The following ADGRL2 variants were observed in gnomAD, a reference collection of about 807,000 sequenced individuals.
The protein encoded by ADGRL2 is adhesion G protein-coupled receptor L2.
ADGRL2 carries 44 observed loss-of-function variants against 157.4 expected under a neutral mutation model. The ratio of observed to expected loss-of-function variants is 0.28; its 90% CI spans 0.22 to 0.36. The LOEUF is 0.36. ADGRL2 is among the 10% of genes least tolerant of loss of function. ADGRL2 has a pLI of 1.00. For synonymous variants in ADGRL2, 585 were observed against 624.7 expected, an observed-to-expected ratio of 0.94 and a Z score of 0.95; for missense variants, 1,510 against 1,768.9, an observed-to-expected ratio of 0.85 and a Z score of 2.63.
intron 1 of ADGRL2, among the ~76,000 whole-genome samples, chr1:81,432,387 A>G (rs72939100): frequency 0.014 from 2,135 of 152,344 alleles, 33 homozygotes; most frequent in South Asian, 0.056. Flanking sequence ...GATGTTGTCA[A>G]GGATTCAGAT....
chr1:81,639,368 A>AC (rs1192357759), intron 3 of ADGRL2, among the ~76,000 whole-genome samples: 1 of 151,986 alleles, frequency 6.6e-6, no homozygotes, highest in Non-Finnish European at 1.5e-5. Flanking sequence ...ACTGGGCCCC[A>AC]CCAGAAAGTT....
At chr1:81,956,929 C>T (rs1371272295) in intron 11 of ADGRL2, among the ~76,000 whole-genome samples, 4 of 151,742 alleles carry the variant, frequency 2.6e-5, no homozygotes, top group South Asian at 4.2e-4. Context: ...ATTGTGCCTG[C>T]GTAAGTCATG....
At chr1:81,521,670 T>C (rs2079317995) in intron 2 of ADGRL2, among the ~76,000 whole-genome samples, 1 of 152,192 alleles carries the variant, frequency 6.6e-6, no homozygotes, top group Admixed American at 6.5e-5. Context: ...TGCTTCATAA[T>C]TTTTGGTTTT....
intron 1 of ADGRL2, among the ~76,000 whole-genome samples, chr1:81,366,279 G>C: frequency 7.1e-6 from 1 of 139,966 alleles, no homozygotes; most frequent in Non-Finnish European, 1.6e-5. Flanking sequence ...ACCAAGATAT[G>C]ACACATTTGG....
chr1:81,524,884 G>A (rs141204450), intron 2 of ADGRL2, among the ~76,000 whole-genome samples: 14 of 152,032 alleles, frequency 9.2e-5, no homozygotes, highest in South Asian at 6.3e-4. Flanking sequence ...TAGCCTGGGC[G>A]ACAGTGAGAA....
At chr1:81,761,430 G>C (rs1051045489) in intron 1 of ADGRL2, among the ~76,000 whole-genome samples, 12 of 151,700 alleles carry the variant, frequency 7.9e-5, no homozygotes, top group Non-Finnish European at 1.8e-4. Flanking sequence ...TAATTATCAG[G>C]ATGTGAGAAA....
intron 2 of ADGRL2, among the ~76,000 whole-genome samples, chr1:81,857,463 A>G (rs1004795299): frequency 6.6e-6 from 1 of 152,200 alleles, no homozygotes; most frequent in African/African-American, 2.4e-5. Context: ...TGTTCCATTC[A>G]ACATATGCTT....
intron 2 of ADGRL2, among the ~76,000 whole-genome samples, chr1:81,840,509 G>T (rs7535794): frequency 2.3e-4 from 35 of 152,160 alleles, no homozygotes; most frequent in African/African-American, 8.4e-4. Context: ...GTCATATTTT[G>T]TGTACACATA....
chr1:81,765,640 C>T (rs1557632445), intron 2 of ADGRL2, among the ~76,000 whole-genome samples: 1 of 151,888 alleles, frequency 6.6e-6, no homozygotes, highest in Non-Finnish European at 1.5e-5. Context: ...TGCCCTTCAA[C>T]AAAATATATC....
chr1:81,560,261 C>A (rs2080409159), intron 2 of ADGRL2, among the ~76,000 whole-genome samples: 1 of 152,168 alleles, frequency 6.6e-6, no homozygotes, highest in East Asian at 1.9e-4. Flanking sequence ...ACACTGGAGT[C>A]CAAAATACCT....
rs1648815416 is a variant in ADGRL2, at chr1:81,943,675, G to T, written c.1116G>T (p.Val372=). 6.2e-7 allele frequency: 1 copy of T among 1,613,296 alleles called. No homozygotes were observed. Among genetic ancestry groups the T allele is most frequent in the Admixed American group, 1.7e-5 (1 of 59,932 alleles). ...FPNQYQYIAA[V]DYNPRDNQLY... is the part of the protein sequence containing the mutation. ...ACCAGTATCAGTATATTGCTGCAGTGGATTACAATCCAAGAGATAACCAAC... is the reference window on the plus strand; with the variant it reads ...ACCAGTATCAGTATATTGCTGCAGTTGATTACAATCCAAGAGATAACCAAC... The change falls in exon 6 of 24, where the codon GTG becomes GTT. Residue 372 remains valine, a synonymous_variant. Transcript: ENST00000686636. This position sits in a 1 kb window ranked among gnomAD's most constrained non-coding sequence, Gnocchi z 5.6.
At chr1:81,945,022 C>T (rs761257344) in intron 6 of ADGRL2, among the ~76,000 whole-genome samples, 7 of 151,740 alleles carry the variant, frequency 4.6e-5, no homozygotes, top group African/African-American at 1.2e-4. Flanking sequence ...CCCCTTTTTC[C>T]CTAAATCAGG....
At chr1:81,852,592 A>G (rs1313050046) in intron 2 of ADGRL2, among the ~76,000 whole-genome samples, 3 of 152,124 alleles carry the variant, frequency 2.0e-5, no homozygotes, top group Non-Finnish European at 4.4e-5. Flanking sequence ...GAAAATGTGA[A>G]AACACTTGGA....
At chr1:81,362,380 G>T (rs1192207884) in intron 1 of ADGRL2, among the ~76,000 whole-genome samples, 1 of 136,902 alleles carries the variant, frequency 7.3e-6, no homozygotes, top group Non-Finnish European at 1.6e-5. Flanking sequence ...TATAACTTTT[G>T]CAGCTGTCTT....
intron 3 of ADGRL2, among the ~76,000 whole-genome samples, chr1:81,616,156 G>A (rs1420484043): frequency 6.6e-6 from 1 of 151,784 alleles, no homozygotes; most frequent in African/African-American, 2.4e-5. Flanking sequence ...AACCAGTGAG[G>A]GAACTACAAA....
intron 2 of ADGRL2, among the ~76,000 whole-genome samples, chr1:81,490,764 T>C (rs893240983): frequency 3.0e-4 from 45 of 152,186 alleles, no homozygotes; most frequent in Admixed American, 2.8e-3. Context: ...AAGTGGAAGG[T>C]ACTTGAAATT....
chr1:81,614,156 T>C (rs1419842037), intron 3 of ADGRL2, among the ~76,000 whole-genome samples: 1 of 152,202 alleles, frequency 6.6e-6, no homozygotes, highest in African/African-American at 2.4e-5. Context: ...AGTTCATATC[T>C]GTGAACAAGA....
intron 2 of ADGRL2, among the ~76,000 whole-genome samples, chr1:81,462,605 G>C (rs555449335): frequency 1.3e-5 from 2 of 152,240 alleles, no homozygotes; most frequent in East Asian, 3.9e-4. Context: ...AGGTAGTGTG[G>C]TCCGATTTTT....
intron 2 of ADGRL2, among the ~76,000 whole-genome samples, chr1:81,772,679 A>C (rs932988345): frequency 3.9e-5 from 6 of 152,158 alleles, no homozygotes; most frequent in Non-Finnish European, 5.9e-5. Flanking sequence ...CAGTGAGCCG[A>C]GACTGCGCTA....
Sources: gnomAD v4.1 joint callset for allele counts (sites outside exome capture counted in the v4.1 genomes callset) on GRCh38, gnomAD v4.1.1 for gene constraint, Gnocchi (gnomAD v3.1) non-coding constraint, MANE v1.5 for transcripts, NCBI Gene and HGNC (gene_info 2026-07-23, HGNC 2026-07-21) for gene names.